The following FKBP7 variants were observed in gnomAD, a reference collection of about 807,000 sequenced individuals.
FKBP7 encodes peptidyl-prolyl cis-trans isomerase FKBP7.
FKBP7 carries 24 observed loss-of-function variants against 24.3 expected under a neutral mutation model. The observed-to-expected ratio is 0.99, with a 90% CI of 0.72 to 1.39. The LOEUF (loss-of-function observed/expected upper bound fraction) is 1.39. FKBP7 is among the 40% of genes most tolerant of loss of function. FKBP7 has a pLI of 0.00. For missense variants in FKBP7, 257 were observed against 269.5 expected, an observed-to-expected ratio of 0.95 and a Z score of 0.33; for synonymous variants, 98 against 92.8, an observed-to-expected ratio of 1.06 and a Z score of -0.32.
chr2:178,473,063 A>G (rs531090917), intron 2 of FKBP7: 2 of 1,304,904 alleles, frequency 1.5e-6, no homozygotes, highest in Non-Finnish European at 2.0e-6. Context: ...AACAAGTCAC[A>G]TGCATTTCAA....
Position 178,465,648 on chromosome 2 carries a change from G to A in FKBP7, c.*122C>T. The stretch of plus-strand genomic sequence containing the variant: ...TTTATTATACCAAAATCAATGTATT[G>A]GGGAGATCAAAATATCTTCTCATAG... On this transcript the variant is annotated 3_prime_UTR_variant, in exon 4 of 4. Coordinates refer to ENST00000424785, the MANE Select transcript of FKBP7 (RefSeq NM_181342.3). 1 of 892,666 alleles carries A rather than the reference G, an allele frequency of 1.1e-6. No individual in the cohort carries two copies. The highest frequency in any genetic ancestry group is 1.6e-6 in the Non-Finnish European group (1 of 626,982). 55.3% of individuals were successfully genotyped at this position (892,666 alleles called of 1,614,324 possible). A position where few individuals can be genotyped will look rare whatever the true frequency, so the allele number is the denominator to read the frequency against.
Position 178,469,645 on chromosome 2 carries a change from G to T in FKBP7, c.507+7C>A. The T allele has an allele frequency of 6.2e-7, 1 of 1,613,532 alleles. No individual in the cohort carries two copies. Among genetic ancestry groups the T allele is most frequent in the South Asian group, 1.1e-5 (1 of 90,952 alleles). On this transcript the variant is annotated splice_region_variant and intron_variant, in intron 3 of 3. Transcript: ENST00000424785. ...TAGACTATACACATGAAATTGGTTT[G>T]AATTACCTCGGCTTTAGAGAGCTGC...
At chr2:178,466,028 GA>G (rs1229489900) in intron 3 of FKBP7, 97 bp from the exon 4 acceptor site, 30 of 1,024,668 alleles carry the variant, frequency 2.9e-5, no homozygotes, top group African/African-American at 8.1e-5. Flanking sequence ...TCATGTGCAA[GA>G]TTACTTACAG....
In FKBP7 at chr2:178,465,728, T is replaced by A. The variant is rs575874003; in HGVS notation, c.*42A>T. The A allele has an allele frequency of 6.7e-7, 1 of 1,494,326 alleles. No homozygotes were observed. Among genetic ancestry groups the A allele is most frequent in the East Asian group, 2.4e-5 (1 of 41,510 alleles). The allele number at this position is 1,494,326 out of a possible 1,614,324, so 92.6% of individuals were successfully genotyped here. ...AAGTGACTTTGTTTTATACATAAAGTACAGTAAATAGCTAAAAAAAAAAAG... is the reference window on the plus strand; with the variant it reads ...AAGTGACTTTGTTTTATACATAAAGAACAGTAAATAGCTAAAAAAAAAAAG... On this transcript the variant is annotated 3_prime_UTR_variant, in exon 4 of 4. Coordinates refer to ENST00000424785, the MANE Select transcript of FKBP7 (RefSeq NM_181342.3).
intron 2 of FKBP7, among the ~76,000 whole-genome samples, chr2:178,471,935 T>G (rs1684857716): frequency 6.6e-6 from 1 of 152,164 alleles, no homozygotes; most frequent in Admixed American, 6.5e-5. Context: ...GACTTTAGAG[T>G]AGAAGAGCTA....
At chr2:178,468,534 A>G (rs1684747582) in intron 3 of FKBP7, among the ~76,000 whole-genome samples, 1 of 151,490 alleles carries the variant, frequency 6.6e-6, no homozygotes. Flanking sequence ...TGCTGCGGGG[A>G]TCGCTTGAGC....
intron 3 of FKBP7, 35 bp downstream of exon 3, chr2:178,469,617 A>G: frequency 6.2e-7 from 1 of 1,610,238 alleles, no homozygotes; most frequent in Non-Finnish European, 8.5e-7. Flanking sequence ...GTGATAAAAA[A>G]ATTAGACTAT....
rs770831617 is a variant in FKBP7, at chr2:178,477,093, G to A, written c.342C>T (p.Pro114=). ...CPGEKRKVVI[P]PSFAYGKEGY... ...CTTCCTTTCCGTATGCAAATGAAGG[G>A]GGTATAACTACTTTTCGCTTTTCTC... The change falls in exon 2 of 4, where the codon CCC becomes CCT. Residue 114 remains proline, a synonymous_variant. Coordinates refer to ENST00000424785, the MANE Select transcript of FKBP7 (RefSeq NM_181342.3). 27 of 1,610,182 alleles carry A rather than the reference G, an allele frequency of 1.7e-5. No homozygotes were observed. In the Admixed American group the frequency reaches 4.4e-4, roughly 26 times the overall value.
Position 178,472,916 on chromosome 2 carries a change from T to A in FKBP7, c.374-3131A>T, listed in dbSNP as rs865808881. The A allele has an allele frequency of 9.1e-3, 2,435 of 266,656 alleles. 36 individuals are homozygous for A. The highest frequency in any genetic ancestry group is 0.042 in the African/African-American group (1,652 of 39,454). 16.5% of individuals were successfully genotyped at this position (266,656 alleles called of 1,614,324 possible). A position where few individuals can be genotyped will look rare whatever the true frequency, so the allele number is the denominator to read the frequency against. On this transcript the variant is annotated intron_variant, in intron 2 of 3. Transcript: ENST00000424785. ...TCTTTTTCTTGTTTTTTTTTTTTTTTTAAAAAAAACTAAAGTATAAAAATG... is the reference window on the plus strand; with the variant it reads ...TCTTTTTCTTGTTTTTTTTTTTTTTATAAAAAAAACTAAAGTATAAAAATG...
intron 2 of FKBP7, chr2:178,473,007 A>G: frequency 9.3e-7 from 1 of 1,075,286 alleles, no homozygotes; most frequent in Non-Finnish European, 1.3e-6. Context: ...AGTAGGAATT[A>G]AGGTAAAGAA....
intron 3 of FKBP7, among the ~76,000 whole-genome samples, chr2:178,466,920 C>T (rs957383313): frequency 5.9e-5 from 9 of 152,104 alleles, no homozygotes; most frequent in African/African-American, 1.9e-4. Flanking sequence ...AGGTTTTTAG[C>T]AATACATATC....
chr2:178,467,982 A>G (rs1425576961), intron 3 of FKBP7: 1 of 152,390 alleles, frequency 6.6e-6, no homozygotes, highest in Non-Finnish European at 1.5e-5. Flanking sequence ...TCTTAAGAAC[A>G]GGACATGTTC....
chr2:178,469,475 T>C (rs546613669), intron 3 of FKBP7, among the ~76,000 whole-genome samples, 177 bp downstream of exon 3: 7 of 152,342 alleles, frequency 4.6e-5, no homozygotes, highest in Non-Finnish European at 8.8e-5. Flanking sequence ...ACAAGGTTTA[T>C]ACTGAAAAAG....
intron 2 of FKBP7, among the ~76,000 whole-genome samples, chr2:178,470,576 C>T (rs1033202972): frequency 1.3e-5 from 2 of 152,118 alleles, no homozygotes; most frequent in Non-Finnish European, 1.5e-5. Context: ...TATTTGGAAG[C>T]ATAAATAAAA....
chr2:178,477,174 A>G lies in FKBP7; in HGVS notation c.261T>C (p.Leu87=). 1 of 1,612,980 alleles carries G rather than the reference A, an allele frequency of 6.2e-7. No individual in the cohort carries two copies. Among genetic ancestry groups the G allele is most frequent in the Non-Finnish European group, 8.5e-7 (1 of 1,179,692 alleles). The stretch of plus-strand genomic sequence containing the variant: ...GGCCTTTTATGACTTGCCCAACACC[A>G]AGAACAAACCATTTGGGGTGGCCTT... ...QNEGHPKWFV[L]GVGQVIKGLD... is the part of the protein sequence containing the mutation. Residue 87 remains leucine, a synonymous_variant, in exon 2 of 4, where the codon CTT becomes CTC. Coordinates refer to ENST00000424785, the MANE Select transcript of FKBP7 (RefSeq NM_181342.3).
At position 178,465,754 on chromosome 2, in the gene FKBP7, T is replaced by C; in HGVS notation, c.*16A>G. ...ACAGTAAATAGCTAAAAAAAAAAAGTAGAAATACAAATATGCTATAGTTCA... is the reference window on the plus strand; with the variant it reads ...ACAGTAAATAGCTAAAAAAAAAAAGCAGAAATACAAATATGCTATAGTTCA... On this transcript the variant is annotated 3_prime_UTR_variant, in exon 4 of 4. Coordinates refer to ENST00000424785, the MANE Select transcript of FKBP7 (RefSeq NM_181342.3). 13 of 1,531,252 alleles carry C rather than the reference T, an allele frequency of 8.5e-6. No individual in the cohort carries two copies. Among genetic ancestry groups the C allele is most frequent in the Non-Finnish European group, 1.1e-5 (13 of 1,142,806 alleles). The allele number at this position is 1,531,252 out of a possible 1,614,324, so 94.9% of individuals were successfully genotyped here.
At chr2:178,469,929 T>C (rs1684802444) in intron 2 of FKBP7, 144 bp from the exon 3 acceptor site, 2 of 602,224 alleles carry the variant, frequency 3.3e-6, no homozygotes, top group South Asian at 9.7e-5. Flanking sequence ...TTTTCTCATC[T>C]TTTATAACTT....
chr2:178,466,812 A>G (rs1684675482), intron 3 of FKBP7, among the ~76,000 whole-genome samples: 1 of 152,218 alleles, frequency 6.6e-6, no homozygotes, highest in African/African-American at 2.4e-5. Context: ...ACTAATCCTT[A>G]TAATAACTAA....
intron 1 of FKBP7, 127 bp from the exon 2 acceptor site, chr2:178,477,340 T>A: frequency 1.1e-6 from 1 of 897,462 alleles, no homozygotes; most frequent in Non-Finnish European, 1.7e-6. Context: ...CTAAAACCCT[T>A]AATGGGGTGT....
Sources: allele counts gnomAD v4.1 joint callset (sites outside exome capture counted in the v4.1 genomes callset), GRCh38; gene constraint gnomAD v4.1.1; transcripts MANE v1.5; gene names NCBI Gene and HGNC (gene_info 2026-07-23, HGNC 2026-07-21).